The following SH3PXD2B variants were observed in gnomAD, a reference collection of about 807,000 sequenced individuals.
SH3PXD2B encodes the protein SH3 and PX domain-containing protein 2B.
SH3PXD2B carries 37 observed loss-of-function variants against 73.1 expected under a neutral mutation model. The observed-to-expected ratio is 0.51, with a 90% confidence interval of 0.39 to 0.67. The LOEUF (loss-of-function observed/expected upper bound fraction) is 0.67, where lower values mean the gene tolerates loss of function less well. Ranked by LOEUF, SH3PXD2B falls within the 30% of genes least tolerant of loss-of-function variation. SH3PXD2B has a pLI of 0.00. For synonymous variants in SH3PXD2B, 457 were observed against 480.5 expected (o/e 0.95, Z 0.64); for missense variants, 1,053 against 1,197.8 (o/e 0.88, Z 1.78).
intron 1 of SH3PXD2B, among the ~76,000 whole-genome samples, chr5:172,435,507 C>T (rs192253129): frequency 6.6e-6 from 1 of 152,230 alleles, no homozygotes; most frequent in Admixed American, 6.5e-5. Context: ...ACAGCAGCCT[C>T]GAATTCCCAG....
downstream of SH3PXD2B, among the ~76,000 whole-genome samples, chr5:172,331,093 G>A (rs916734739): frequency 2.6e-4 from 39 of 152,212 alleles, no homozygotes; most frequent in African/African-American, 8.9e-4. Flanking sequence ...TACTCAGGAG[G>A]CTGAGGCAGG....
At chr5:172,359,064 T>C (rs964006403) in intron 7 of SH3PXD2B, among the ~76,000 whole-genome samples, 187 bp from the exon 8 acceptor site, 2 of 152,132 alleles carry the variant, frequency 1.3e-5, no homozygotes, top group African/African-American at 4.8e-5. Context: ...AGAAACTTGC[T>C]CCTGAGCCTG....
Position 172,338,434 on chromosome 5 carries a change from C to T in SH3PXD2B, c.2671G>A (p.Val891Ile). 1 of 1,614,162 alleles carries T rather than the reference C, an allele frequency of 6.2e-7. No individual in the cohort carries two copies. Among genetic ancestry groups the T allele is most frequent in the Non-Finnish European group, 8.5e-7 (1 of 1,180,026 alleles). The change falls in exon 13 of 13, where the codon GTC becomes ATC. Residue 891 changes from valine (V) to isoleucine (I), a missense_variant. By Grantham distance (29) the Val-to-Ile change is conservative. Around this residue, in one of 2 missense-constraint regions of SH3PXD2B, gnomAD observed 587 missense variants for 590.7 expected, o/e 0.99. Coordinates refer to ENST00000311601, the MANE Select transcript of SH3PXD2B (RefSeq NM_001017995.3). This position sits in a 1 kb window ranked among gnomAD's most constrained non-coding sequence, Gnocchi z 5.1. ...KNSSGWWFCQ[V>I]LSGAPSWEGW... The stretch of plus-strand genomic sequence containing the variant: ...TCCCAGGAAGGGGCTCCGCTCAGGA[C>T]CTGGCAGAACCACCAGCCACTGCTG...
Position 172,337,776 on chromosome 5 carries a change from C to CA in SH3PXD2B, c.*592dup. 1.0e-6 allele frequency: 1 copy of CA among 995,778 alleles called. No individual in the cohort carries two copies. The highest frequency in any genetic ancestry group is 1.2e-6 in the Non-Finnish European group (1 of 835,948). 61.7% of individuals were successfully genotyped at this position (995,778 alleles called of 1,614,324 possible). A position where few individuals can be genotyped will look rare whatever the true frequency, so the allele number is the denominator to read the frequency against. ...GGCCCACTCCTGGGGGAGCCGCATC[C>CA]AGTGGAACCTCAGAGGCCCACGGGC... On this transcript the variant is annotated 3_prime_UTR_variant, in exon 13 of 13. Transcript: ENST00000311601.
chr5:172,425,759 A>G (rs1477905409), intron 1 of SH3PXD2B, among the ~76,000 whole-genome samples: 1 of 152,048 alleles, frequency 6.6e-6, no homozygotes, highest in Non-Finnish European at 1.5e-5. Flanking sequence ...AAAAATATCC[A>G]TAGGTATCCC....
chr5:172,339,821 C>T lies in SH3PXD2B; in HGVS notation c.1284G>A (p.Thr428=), dbSNP rs3812017. ...GAAAGTTGGGTCTCGACGCGTTGCT[C>T]GTCTTCTTGTACTTGTCAATGAAGG... ...PATFIDKYKK[T]SNASRPNFLA... The change falls in exon 13 of 13, where the codon ACG becomes ACA. Residue 428 remains threonine (T), a synonymous_variant. Coordinates refer to ENST00000311601, the MANE Select transcript of SH3PXD2B (RefSeq NM_001017995.3). This position sits in a 1 kb window ranked among gnomAD's most constrained non-coding sequence, Gnocchi z 6.1. 3.4e-5 allele frequency: 55 copies of T among 1,613,876 alleles called. No individual in the cohort carries two copies. The highest frequency in any genetic ancestry group is 8.3e-5 in the Admixed American group (5 of 59,998).
In SH3PXD2B at chr5:172,339,427, T is replaced by A. The variant is rs1581259156; in HGVS notation, c.1678A>T (p.Ile560Phe). The change falls in exon 13 of 13, where the codon ATT (isoleucine) becomes TTT (phenylalanine). Residue 560 changes from isoleucine (I) to phenylalanine (F), a missense_variant. This residue lies in a region of SH3PXD2B where 587 missense variants were observed against 590.7 expected (regional missense o/e 0.99). Coordinates refer to ENST00000311601, the MANE Select transcript of SH3PXD2B (RefSeq NM_001017995.3). The surrounding 1 kb of genome is among the most constrained non-coding windows in gnomAD (Gnocchi z 6.1). ...RGPTPKPPGV[I>F]LPMMPAKHIP... ...TGTTTGGCTGGCATCATCGGCAAAA[T>A]CACGCCCGGAGGCTTGGGAGTGGGG... 1 of 1,614,146 alleles carries A rather than the reference T, an allele frequency of 6.2e-7. No homozygotes were observed. The highest frequency in any genetic ancestry group is 1.6e-4 in the Middle Eastern group (1 of 6,062).
At chr5:172,444,086 CAACTATCCCTCT>C (rs940948135) in intron 1 of SH3PXD2B, among the ~76,000 whole-genome samples, 4 of 152,228 alleles carry the variant, frequency 2.6e-5, no homozygotes, top group African/African-American at 9.7e-5. Context: ...TCTCCTTCCA[CAACTATCCCTCT>C]CACTACCAGT....
chr5:172,346,436 G>C (rs1180633618), intron 11 of SH3PXD2B, among the ~76,000 whole-genome samples, 175 bp from the exon 12 acceptor site: 3 of 152,172 alleles, frequency 2.0e-5, no homozygotes, highest in Non-Finnish European at 4.4e-5. Flanking sequence ...TCCTCGGTGA[G>C]ACCTCACTGG....
chr5:172,348,707 C>T (rs868816862), intron 10 of SH3PXD2B, among the ~76,000 whole-genome samples: 41 of 38,040 alleles, frequency 1.1e-3, no homozygotes, highest in Admixed American at 5.1e-3. Flanking sequence ...ATCTATCTAT[C>T]TATTTATTTA....
chr5:172,425,355 C>T (rs185693731), intron 1 of SH3PXD2B, among the ~76,000 whole-genome samples: 1 of 152,174 alleles, frequency 6.6e-6, no homozygotes, highest in East Asian at 1.9e-4. Flanking sequence ...GCAAACCTGC[C>T]GACATGCTGG....
chr5:172,428,650 C>A (rs950980315), intron 1 of SH3PXD2B, among the ~76,000 whole-genome samples: 1 of 152,190 alleles, frequency 6.6e-6, no homozygotes, highest in Non-Finnish European at 1.5e-5. Flanking sequence ...CCAAACCTAG[C>A]CTCATGGATA....
At chr5:172,412,923 G>A (rs1201691341) in intron 2 of SH3PXD2B, among the ~76,000 whole-genome samples, 2 of 152,194 alleles carry the variant, frequency 1.3e-5, no homozygotes, top group Non-Finnish European at 2.9e-5. Context: ...ACATCAAGTT[G>A]CCACATCACA....
At chr5:172,373,564 T>C (rs1757753827) in intron 6 of SH3PXD2B, among the ~76,000 whole-genome samples, 1 of 147,102 alleles carries the variant, frequency 6.8e-6, no homozygotes, top group African/African-American at 2.5e-5. Flanking sequence ...GGATGGGGTA[T>C]CAACCAATCA....
intron 9 of SH3PXD2B, 133 bp from the exon 10 acceptor site, chr5:172,350,722 T>C: frequency 3.6e-6 from 3 of 835,576 alleles, no homozygotes; most frequent in East Asian, 2.7e-5. Context: ...GGGCAAGAGG[T>C]TGGCACACAC....
In SH3PXD2B at chr5:172,325,750, G is replaced by T. The variant is rs575757633; in HGVS notation, c.1189-370C>A. ...CTCCTGGCCTAGTCACTGCTTAAAG[G>T]CCCTGCCTGGTTTTTTGTTTTGTTT... On this transcript the variant is annotated intron_variant, in intron 12 of 12. Transcript: ENST00000519643. Among the ~76,000 whole-genome samples, 7 of 152,192 alleles carry T rather than the reference G, an allele frequency of 4.6e-5. 1 individual carries two copies. The South Asian group carries it at 1.5e-3, about 32-fold the overall frequency.
chr5:172,421,392 C>T lies in SH3PXD2B; in HGVS notation c.156+1024G>A, dbSNP rs1367612398. Among the ~76,000 whole-genome samples the T allele has an allele frequency of 6.6e-6, 1 of 152,134 alleles. No individual in the cohort carries two copies. Among genetic ancestry groups the T allele is most frequent in the Non-Finnish European group, 1.5e-5 (1 of 68,034 alleles). ...TAAGACTGGTAGTATACATGGTGTTCGTTCATTCATTCATTCATTCACCAA... is the reference window on the plus strand; with the variant it reads ...TAAGACTGGTAGTATACATGGTGTTTGTTCATTCATTCATTCATTCACCAA... On this transcript the variant is annotated intron_variant, in intron 2 of 12. Transcript: ENST00000311601. The surrounding 1 kb of genome is among the most constrained non-coding windows in gnomAD (Gnocchi z 4.0).
chr5:172,332,175 T>C (rs150589441), downstream of SH3PXD2B, among the ~76,000 whole-genome samples: 240 of 149,732 alleles, frequency 1.6e-3, 1 homozygote, highest in African/African-American at 5.5e-3. Flanking sequence ...AGTCCTGTTA[T>C]GATTAAGCAC....
intron 1 of SH3PXD2B, among the ~76,000 whole-genome samples, chr5:172,430,473 G>A (rs1759209558): frequency 6.6e-6 from 1 of 152,236 alleles, no homozygotes; most frequent in Non-Finnish European, 1.5e-5. Context: ...GGTGCCTGTG[G>A]GGAAGGCCCT....
Sources: gnomAD v4.1 joint callset for allele counts (sites outside exome capture counted in the v4.1 genomes callset) on GRCh38, gnomAD v4.1.1 for gene constraint, gnomAD v4.1.1 regional missense constraint, Gnocchi (gnomAD v3.1) non-coding constraint, MANE v1.5 for transcripts, NCBI Gene and HGNC (gene_info 2026-07-23, HGNC 2026-07-21) for gene names.